ZFHX3: variants seen among roughly 807,000 people sequenced by gnomAD.
The protein encoded by ZFHX3 is zinc finger homeobox protein 3.
ZFHX3 carries 42 observed loss-of-function variants against 279.1 expected under a neutral mutation model. The ratio of observed to expected loss-of-function variants is 0.15; its 90% CI spans 0.12 to 0.19. The LOEUF (loss-of-function observed/expected upper bound fraction) is 0.19. ZFHX3 is among the 10% of genes least tolerant of loss of function. The pLI is 1.00. For synonymous variants in ZFHX3, 2,293 were observed against 1,957.8 expected (o/e 1.17, Z -4.52); for missense variants, 4,981 against 4,754.0 (o/e 1.05, Z -1.40).
At chr16:72,946,181 T>G (rs941997991) in intron 3 of ZFHX3, among the ~76,000 whole-genome samples, 3 of 152,204 alleles carry the variant, frequency 2.0e-5, no homozygotes, top group Non-Finnish European at 2.9e-5. Flanking sequence ...ACATCCTCTA[T>G]GTGGAGAATC....
chr16:73,713,613 C>G (rs899481647), intron 1 of ZFHX3, among the ~76,000 whole-genome samples: 1 of 151,526 alleles, frequency 6.6e-6, no homozygotes, highest in Non-Finnish European at 1.5e-5. Flanking sequence ...CAGCCAGGCA[C>G]AGAAAAGATA....
At chr16:72,877,828 G>A (rs772644789) in intron 4 of ZFHX3, among the ~76,000 whole-genome samples, 63 of 152,210 alleles carry the variant, frequency 4.1e-4, no homozygotes, top group South Asian at 1.0e-3. Context: ...CTGGAGACAT[G>A]GCGCCTCTAT....
chr16:73,681,263 G>A (rs2053007018), intron 1 of ZFHX3, among the ~76,000 whole-genome samples: 1 of 152,176 alleles, frequency 6.6e-6, no homozygotes, highest in South Asian at 2.1e-4. Context: ...GTTTTTAGAA[G>A]AGTGATAAAT....
At position 72,787,990 on chromosome 16, in the gene ZFHX3, CG is replaced by C; in HGVS notation, c.10285del (p.Arg3429ValfsTer56). On this transcript the variant is annotated frameshift_variant, in exon 10 of 10. Coordinates refer to ENST00000268489, the MANE Select transcript of ZFHX3 (RefSeq NM_006885.4). LOFTEE classifies it high-confidence loss of function. ...TTTCGGCAGGAGGGGGGACACCTCA[CG>C]GGGGGTGTTTTTCTGTTCTTCTGGT... ...PKPEEQKNTP[R>X]EVSPLLPKLP... 1.9e-6 allele frequency: 3 copies of C among 1,611,490 alleles called. No individual in the cohort carries two copies. Among genetic ancestry groups the C allele is most frequent in the Non-Finnish European group, 8.5e-7 (1 of 1,179,512 alleles).
At chr16:73,055,067 T>C (rs577921246) in intron 1 of ZFHX3, among the ~76,000 whole-genome samples, 101 of 151,230 alleles carry the variant, frequency 6.7e-4, no homozygotes, top group African/African-American at 2.4e-3. Flanking sequence ...GGCAGCTTTA[T>C]GTGGGATTCT....
chr16:73,602,340 A>G (rs1237152703), intron 2 of ZFHX3, among the ~76,000 whole-genome samples: 1 of 152,180 alleles, frequency 6.6e-6, no homozygotes, highest in Non-Finnish European at 1.5e-5. Context: ...CTGAGACCGT[A>G]TGAATACTAC....
At chr16:73,611,008 C>T (rs907111386) in intron 2 of ZFHX3, among the ~76,000 whole-genome samples, 28 of 152,198 alleles carry the variant, frequency 1.8e-4, no homozygotes, top group African/African-American at 6.8e-4. Flanking sequence ...AACCTCAACT[C>T]GAGCAGAAAC....
intron 1 of ZFHX3, among the ~76,000 whole-genome samples, chr16:73,795,050 G>C (rs974734383): frequency 6.6e-6 from 1 of 152,170 alleles, no homozygotes; most frequent in Non-Finnish European, 1.5e-5. Flanking sequence ...GAAGCTCAGT[G>C]CTTGGAACAA....
chr16:73,884,993 G>C (rs1372824496), intron 1 of ZFHX3, among the ~76,000 whole-genome samples: 1 of 152,106 alleles, frequency 6.6e-6, no homozygotes, highest in African/African-American at 2.4e-5. Context: ...GCCAGTTATA[G>C]CAATGCTTTT....
intron 2 of ZFHX3, among the ~76,000 whole-genome samples, chr16:73,512,070 G>A (rs1000952417): frequency 6.6e-6 from 1 of 151,980 alleles, no homozygotes; most frequent in South Asian, 2.1e-4. Context: ...TGTCTGCCCT[G>A]GGAATTAATA....
chr16:73,069,579 TTTTG>T (rs1217192328), intron 8 of ZFHX3, among the ~76,000 whole-genome samples: 2 of 148,844 alleles, frequency 1.3e-5, no homozygotes, highest in African/African-American at 5.2e-5. Flanking sequence ...TGAAAGGTGG[TTTTG>T]TTTTATTTTT....
intron 3 of ZFHX3, among the ~76,000 whole-genome samples, chr16:73,389,574 G>T (rs1417320549): frequency 2.0e-5 from 3 of 152,188 alleles, no homozygotes; most frequent in Non-Finnish European, 2.9e-5. Flanking sequence ...GGATACCTGT[G>T]GACGTCTCAT....
At chr16:72,813,876 G>A (rs926642692) in intron 5 of ZFHX3, among the ~76,000 whole-genome samples, 4 of 152,130 alleles carry the variant, frequency 2.6e-5, no homozygotes, top group Admixed American at 6.5e-5. Flanking sequence ...GGAACGTCGC[G>A]TTGCAGGTTT....
rs145165043 is a variant in ZFHX3, at chr16:73,135,407, A to T, written c.-1023-4313T>A. ...ATAGAATGGGAGAGAAAAAGGATTT[A>T]TTTTCTTTCGTGGATGGGAATTAGT... On this transcript the variant is annotated intron_variant, in intron 6 of 17. Coordinates refer to the ZFHX3 transcript ENST00000641206. Among the ~76,000 whole-genome samples the T allele has an allele frequency of 4.9e-3, 752 of 152,286 alleles. 9 individuals are homozygous for T. The highest frequency in any genetic ancestry group is 0.017 in the African/African-American group (712 of 41,544).
At chr16:72,831,668 T>C (rs1229684891) in intron 4 of ZFHX3, among the ~76,000 whole-genome samples, 1 of 152,226 alleles carries the variant, frequency 6.6e-6, no homozygotes, top group East Asian at 1.9e-4. Context: ...TGCACATTTT[T>C]AGGATTTCAA....
chr16:73,886,385 G>A (rs2142419043), intron 1 of ZFHX3, among the ~76,000 whole-genome samples: 1 of 152,184 alleles, frequency 6.6e-6, no homozygotes, highest in South Asian at 2.1e-4. Flanking sequence ...TTGAAAGAAA[G>A]GGATCTGCAG....
At chr16:72,947,975 C>T (rs1450306729) in intron 3 of ZFHX3, among the ~76,000 whole-genome samples, 1 of 152,222 alleles carries the variant, frequency 6.6e-6, no homozygotes, top group Non-Finnish European at 1.5e-5. Flanking sequence ...CCAATCCCCA[C>T]CCCAAATCCG....
intron 3 of ZFHX3, among the ~76,000 whole-genome samples, chr16:73,363,087 G>A (rs902726814): frequency 6.6e-6 from 1 of 152,166 alleles, no homozygotes; most frequent in Non-Finnish European, 1.5e-5. Flanking sequence ...AAGTGACATT[G>A]TGTGAGTCCT....
intron 3 of ZFHX3, among the ~76,000 whole-genome samples, chr16:73,409,901 A>T (rs1567475305): frequency 6.6e-6 from 1 of 152,062 alleles, no homozygotes; most frequent in Non-Finnish European, 1.5e-5. Flanking sequence ...TGTGGGAGCT[A>T]AAAATGAACA....
Sources: gnomAD v4.1 joint callset for allele counts (sites outside exome capture counted in the v4.1 genomes callset) on GRCh38, gnomAD v4.1.1 for gene constraint, MANE v1.5 for transcripts, NCBI Gene and HGNC (gene_info 2026-07-23, HGNC 2026-07-21) for gene names.